The following ZFAND4 variants were observed in gnomAD, a reference collection of about 807,000 sequenced individuals.
ZFAND4 encodes zinc finger AN1-type containing 4.
Under a neutral mutation model 64.4 loss-of-function variants are expected in ZFAND4, and 43 were observed. The ratio of observed to expected loss-of-function variants is 0.67; its 90% CI spans 0.52 to 0.86. ZFAND4 has a LOEUF of 0.86. Ranked by LOEUF, ZFAND4 falls within the 40% of genes least tolerant of loss-of-function variation. The pLI, the probability that ZFAND4 is intolerant of heterozygous loss-of-function variation, is 0.00. For synonymous variants in ZFAND4, 296 were observed against 305.7 expected (o/e 0.97, Z 0.33); for missense variants, 929 against 859.8 (o/e 1.08, Z -1.01).
intron 6 of ZFAND4, among the ~76,000 whole-genome samples, chr10:45,630,392 C>T (rs1278079204): frequency 6.6e-6 from 1 of 152,062 alleles, no homozygotes; most frequent in Non-Finnish European, 1.5e-5. Flanking sequence ...TTACAAGGTG[C>T]CCACAGGAGA....
chr10:45,616,869 T>C (rs947266460), intron 9 of ZFAND4, among the ~76,000 whole-genome samples: 3 of 151,674 alleles, frequency 2.0e-5, no homozygotes, highest in African/African-American at 7.3e-5. Context: ...CCGAGGCGGG[T>C]GGATCTCCAG....
intron 3 of ZFAND4, among the ~76,000 whole-genome samples, chr10:45,652,259 T>G (rs2047807353): frequency 6.6e-6 from 1 of 152,118 alleles, no homozygotes; most frequent in Admixed American, 6.6e-5. Flanking sequence ...ATAAACATAC[T>G]GGAAAAGACC....
chr10:45,651,987 C>T lies in ZFAND4; in HGVS notation c.307G>A (p.Gly103Arg), dbSNP rs1211647836. 4 of 1,613,598 alleles carry T rather than the reference C, an allele frequency of 2.5e-6. No homozygotes were observed. Among genetic ancestry groups the T allele is most frequent in the South Asian group, 1.1e-5 (1 of 91,062 alleles). ...TLKLVLAMRG[G>R]PINTRRVPTD... ...CTACCTCTTCTAGTATTTATAGGTC[C>T]GCCACGCATAGCCAAAACTAGCTTC... The change falls in exon 4 of 10, where the codon GGA (glycine) becomes AGA (arginine). Residue 103 changes from glycine to arginine, a missense_variant. Physicochemically the swap from Gly to Arg is moderately radical, Grantham distance 125. Coordinates refer to ENST00000344646, the MANE Select transcript of ZFAND4 (RefSeq NM_174890.4).
Position 45,659,461 on chromosome 10 carries a change from G to A in ZFAND4, c.184+4081C>T, listed in dbSNP as rs76260539. Among the ~76,000 whole-genome samples, 569 of 152,228 alleles carry A rather than the reference G, an allele frequency of 3.7e-3. 12 individuals are homozygous for A. In the East Asian group the frequency reaches 0.051, roughly 14 times the overall value. On this transcript the variant is annotated intron_variant, in intron 2 of 9. Coordinates refer to ENST00000344646, the MANE Select transcript of ZFAND4 (RefSeq NM_174890.4). ...GAAGGCTCTGGCACTTATAACTACA[G>A]CAAACATTAAACACAGCCCAATTTC...
At chr10:45,663,069 T>C (rs1481781859) in intron 2 of ZFAND4, among the ~76,000 whole-genome samples, 1 of 147,814 alleles carries the variant, frequency 6.8e-6, no homozygotes, top group African/African-American at 2.5e-5. Context: ...GAACTTTGAA[T>C]ATACGTAAAT....
Position 45,672,476 on chromosome 10 carries a change from C to G in ZFAND4, c.-344G>C, listed in dbSNP as rs2049265154. The stretch of plus-strand genomic sequence containing the variant: ...GGCAAAGGCGGCCCGCCGCTCCGGT[C>G]CCCGGGCAGCAGCGGCCGGCGTCAG... On this transcript the variant is annotated 5_prime_UTR_variant, in exon 1 of 10. Transcript: ENST00000344646. The G allele has an allele frequency of 6.6e-6, 1 of 152,374 alleles. No individual in the cohort carries two copies. The highest frequency in any genetic ancestry group is 2.4e-5 in the African/African-American group (1 of 41,472). The allele number at this position is 152,374 out of a possible 1,614,324, so 9.4% of individuals were successfully genotyped here.
Position 45,635,217 on chromosome 10 carries a change from AAAAAAAACAAAC to A in ZFAND4, c.717+4587_717+4598del, listed in dbSNP as rs1210839199. Among the ~76,000 whole-genome samples, 281 of 140,708 alleles carry A rather than the reference AAAAAAAACAAAC, an allele frequency of 2.0e-3. 3 individuals are homozygous for A. Among genetic ancestry groups the A allele is most frequent in the African/African-American group, 7.6e-3 (262 of 34,478 alleles). The allele number at this position is 140,708 out of a possible 152,430, so 92.3% of individuals were successfully genotyped here. On this transcript the variant is annotated intron_variant, in intron 6 of 9. Coordinates refer to ENST00000344646, the MANE Select transcript of ZFAND4 (RefSeq NM_174890.4). ...AAGCAAAAAAAAAAAAAAAAAACAA[AAAAAAAACAAAC>A]AAAAAAAAACTGGAAGAATCACAAT... is the stretch of plus-strand genomic sequence containing the variant.
At position 45,615,708 on chromosome 10, in the gene ZFAND4, T is replaced by C. The variant is rs561088236; in HGVS notation, c.*728A>G. On this transcript the variant is annotated 3_prime_UTR_variant, in exon 10 of 10. Coordinates refer to ENST00000344646, the MANE Select transcript of ZFAND4 (RefSeq NM_174890.4). ...TAGCCATATTTCAAAAGGTAAAAAGTTGGCTTCTATATTTAATGGCAAGTG... is the reference window on the plus strand; with the variant it reads ...TAGCCATATTTCAAAAGGTAAAAAGCTGGCTTCTATATTTAATGGCAAGTG... 6 of 152,160 alleles carry C rather than the reference T, an allele frequency of 3.9e-5. No homozygotes were observed. In the South Asian group the frequency reaches 6.2e-4, roughly 16 times the overall value. The allele number at this position is 152,160 out of a possible 1,614,324, so 9.4% of individuals were successfully genotyped here.
chr10:45,664,246 C>T (rs2048660379), intron 1 of ZFAND4, among the ~76,000 whole-genome samples: 1 of 151,484 alleles, frequency 6.6e-6, no homozygotes, highest in Non-Finnish European at 1.5e-5. Flanking sequence ...CCATATAAAG[C>T]ATAACTTTAC....
At position 45,637,627 on chromosome 10, in the gene ZFAND4, G is replaced by A. The variant is rs190229662; in HGVS notation, c.717+2189C>T. On this transcript the variant is annotated intron_variant, in intron 6 of 9. Transcript: ENST00000344646. The stretch of plus-strand genomic sequence containing the variant: ...TAGCCGGGCGTGGAGATGCGCACCC[G>A]TAATCCCAGCTATTTGGGAGGCTGG... 2.2e-3 allele frequency among the ~76,000 whole-genome samples: 333 copies of A among 152,074 alleles called. 2 individuals carry two copies. The highest frequency in any genetic ancestry group is 6.5e-3 in the African/African-American group (269 of 41,488).
rs367895337 is a variant in ZFAND4 at position 45,626,910 on chromosome 10, C to G, written c.913G>C (p.Ala305Pro). 2 of 1,614,216 alleles carry G rather than the reference C, an allele frequency of 1.2e-6. 1 individual carries two copies. ...GISSLATQLS[A>P]ERYISSITGE... ...GTGATAGAAGATATGTATCTCTCAG[C>G]AGAGAGTTGAGTTGCCAAACTTGAA... Residue 305 changes from alanine to proline, a missense_variant, in exon 7 of 10, where the codon GCT (alanine) becomes CCT (proline). Coordinates refer to ENST00000344646, the MANE Select transcript of ZFAND4 (RefSeq NM_174890.4).
chr10:45,655,849 T>A (rs1379993363), intron 2 of ZFAND4, among the ~76,000 whole-genome samples: 1 of 152,108 alleles, frequency 6.6e-6, no homozygotes, highest in Non-Finnish European at 1.5e-5. Context: ...TAACAAGCAG[T>A]GAGAATGAAT....
chr10:45,663,908 G>A lies in ZFAND4; in HGVS notation c.-117-66C>T, dbSNP rs118040452. 2,255 of 487,810 alleles carry A rather than the reference G, an allele frequency of 4.6e-3. 23 individuals carry two copies. The highest frequency in any genetic ancestry group is 0.03 in the Middle Eastern group (56 of 1,848). The allele number at this position is 487,810 out of a possible 1,614,324, so 30.2% of individuals were successfully genotyped here. ...TTGTATTTGTCCATAAAGATTTTCC[G>A]TTAACTGTGGCCCATATCAATCTTC... is the stretch of plus-strand genomic sequence containing the variant. On this transcript the variant is annotated intron_variant, in intron 1 of 9. Coordinates refer to ENST00000344646, the MANE Select transcript of ZFAND4 (RefSeq NM_174890.4).
Position 45,622,492 on chromosome 10 carries a change from TGGATTTCCTAATGTGTCAGGCATC to T in ZFAND4, c.1927+2067_1927+2090del, listed in dbSNP as rs566437286. On this transcript the variant is annotated intron_variant, in intron 8 of 9. Transcript: ENST00000344646. ...TAACAAAAGGAGAAAATAGACAAACTGGATTTCCTAATGTGTCAGGCATCGGATTTCCTAATGTGTCAGGCATTC... is the reference window on the plus strand; with the variant it reads ...TAACAAAAGGAGAAAATAGACAAACTGGATTTCCTAATGTGTCAGGCATTC... Among the ~76,000 whole-genome samples the T allele has an allele frequency of 5.0e-3, 757 of 152,282 alleles. 9 individuals carry two copies. Among genetic ancestry groups the T allele is most frequent in the Non-Finnish European group, 3.9e-3 (262 of 68,020 alleles).
chr10:45,625,445 G>A (rs2045738335), intron 7 of ZFAND4, among the ~76,000 whole-genome samples: 1 of 139,488 alleles, frequency 7.2e-6, no homozygotes, highest in Non-Finnish European at 1.5e-5. Flanking sequence ...TTGCACTCCA[G>A]CCTGGGTGAA....
At chr10:45,666,935 C>A (rs569523648) in intron 1 of ZFAND4, among the ~76,000 whole-genome samples, 1 of 152,264 alleles carries the variant, frequency 6.6e-6, no homozygotes, top group Non-Finnish European at 1.5e-5. Context: ...AAGTGTGAGG[C>A]CTCCAATTTG....
intron 7 of ZFAND4, 128 bp from the exon 8 acceptor site, chr10:45,624,765 A>G: frequency 1.3e-6 from 1 of 759,972 alleles, no homozygotes; most frequent in South Asian, 1.9e-5. Context: ...ATTTATTCCA[A>G]TTTTTGTTTA....
intron 5 of ZFAND4, among the ~76,000 whole-genome samples, chr10:45,641,663 T>C (rs1462580887): frequency 1.3e-5 from 2 of 152,228 alleles, no homozygotes; most frequent in African/African-American, 4.8e-5. Context: ...TACTACAGCA[T>C]GGCTACCACA....
In ZFAND4 at chr10:45,618,157, A is replaced by G; in HGVS notation, c.2031T>C (p.Ala677=). 4.3e-6 allele frequency: 7 copies of G among 1,613,208 alleles called. No homozygotes were observed. Among genetic ancestry groups the G allele is most frequent in the Non-Finnish European group, 5.1e-6 (6 of 1,179,702 alleles). ...CFLCGKKTGL[A]SSYECRCGNN... ...CAACCTGCCTGCATTCGTAGCTACT[A>G]GCCAGTCCTGTTTTCTTTCCACAAA... Residue 677 remains alanine (A), a synonymous_variant, in exon 9 of 10, where the codon GCT becomes GCC. Transcript: ENST00000344646.
Sources: gnomAD v4.1 joint callset for allele counts (sites outside exome capture counted in the v4.1 genomes callset) on GRCh38, gnomAD v4.1.1 for gene constraint, MANE v1.5 for transcripts, NCBI Gene and HGNC (gene_info 2026-07-23, HGNC 2026-07-21) for gene names.